VWF: variants seen among roughly 807,000 people sequenced by gnomAD.
VWF encodes the protein Factor VIII related antigen.
In VWF, 176 loss-of-function variants were observed where a neutral mutation model predicts 308.6. The ratio of observed to expected loss-of-function variants is 0.57; its 90% CI spans 0.50 to 0.65. The LOEUF is 0.65. Ranked by LOEUF, VWF falls within the 30% of genes least tolerant of loss-of-function variation. The probability of loss-of-function intolerance (pLI) is 0.00; values close to 1 mark genes in which losing one functional copy is unlikely to be tolerated. For missense variants in VWF, 3,146 were observed against 3,648.2 expected, an observed-to-expected ratio of 0.86 and a Z score of 3.55; for synonymous variants, 1,385 against 1,443.4, an observed-to-expected ratio of 0.96 and a Z score of 0.92.
intron 47 of VWF, among the ~76,000 whole-genome samples, chr12:5,965,981 A>G (rs946331048): frequency 2.0e-5 from 3 of 152,128 alleles, no homozygotes; most frequent in Non-Finnish European, 4.4e-5. Flanking sequence ...GTATTTGGAA[A>G]CCTACATCTG....
Position 6,075,451 on chromosome 12 carries a change from G to C in VWF, c.758C>G (p.Thr253Ser). ...CAGCCCCCCAGCACACTCACACAAAGTCTTCTCACACAGGGCCACAAAAGG... is the reference window on the plus strand; with the variant it reads ...CAGCCCCCCAGCACACTCACACAAACTCTTCTCACACAGGGCCACAAAAGG... ...PEPFVALCEK[T>S]LCECAGGLEC... is the part of the protein sequence containing the mutation. Residue 253 changes from threonine (T) to serine (S), a missense_variant, in exon 7 of 52, where the codon ACT becomes AGT. Thr to Ser is a moderately conservative substitution (Grantham distance 58). Coordinates refer to ENST00000261405, the MANE Select transcript of VWF (RefSeq NM_000552.5). The surrounding 1 kb of genome is among the most constrained non-coding windows in gnomAD (Gnocchi z 4.7). 6.2e-7 allele frequency: 1 copy of C among 1,614,210 alleles called. No homozygotes were observed. The highest frequency in any genetic ancestry group is 1.6e-4 in the Middle Eastern group (1 of 6,062).
intron 15 of VWF, among the ~76,000 whole-genome samples, chr12:6,053,945 G>A (rs1944547045): frequency 6.6e-6 from 1 of 152,224 alleles, no homozygotes; most frequent in South Asian, 2.1e-4. Flanking sequence ...TATGGGCAGG[G>A]TAGAGGACAG....
In VWF at chr12:5,960,051, T is replaced by C. The variant is rs1375052853; in HGVS notation, c.7888-6457A>G. 2.0e-5 allele frequency among the ~76,000 whole-genome samples: 3 copies of C among 147,830 alleles called. No homozygotes were observed. The Admixed American group carries it at 2.0e-4, about 10-fold the overall frequency. ...AAAAGTTGGATCTTTGAAAGATTAA[T>C]AATATAATAATATATAATATAATAA... On this transcript the variant is annotated intron_variant, in intron 47 of 51. Coordinates refer to ENST00000261405, the MANE Select transcript of VWF (RefSeq NM_000552.5).
rs745521318 is a variant in VWF at position 6,057,032 on chromosome 12, G to C, written c.1770C>G (p.Pro590=). ...CGGCACGATGGCAGGCCTCGAATGT[G>C]GGGGACGTCAGGACCGCGCACGCCT... The part of the protein sequence containing the change: ...SEEACAVLTS[P]TFEACHRAVS... Residue 590 remains proline (P), a synonymous_variant, in exon 15 of 52, where the codon CCC becomes CCG. Coordinates refer to ENST00000261405, the MANE Select transcript of VWF (RefSeq NM_000552.5). 9.8e-5 allele frequency: 152 copies of C among 1,548,986 alleles called. No homozygotes were observed. Among genetic ancestry groups the C allele is most frequent in the Admixed American group, 2.1e-4 (11 of 52,218 alleles).
rs1219346666 is a variant in VWF, at chr12:5,996,053, G to A, written c.6012C>T (p.Ser2004=). The stretch of plus-strand genomic sequence containing the variant: ...AGAGGGCACTGTGCTTCACCTCGAT[G>A]GATTTCATGCAGCCCTGCCTTGCTC... ...SPGARQGCMK[S]IEVKHSALSV... is the part of the protein sequence containing the mutation. The change falls in exon 35 of 52, where the codon TCC becomes TCT. Residue 2004 remains serine (S), a synonymous_variant. Transcript: ENST00000261405. The A allele has an allele frequency of 1.9e-6, 3 of 1,613,732 alleles. No homozygotes were observed. Among genetic ancestry groups the A allele is most frequent in the African/African-American group, 2.7e-5 (2 of 74,910 alleles).
At chr12:5,979,690 C>T (rs1159716421) in intron 42 of VWF, among the ~76,000 whole-genome samples, 1 of 150,674 alleles carries the variant, frequency 6.6e-6, no homozygotes, top group Admixed American at 6.6e-5. Flanking sequence ...TACGAGGCTA[C>T]AATCAGCCAA....
chr12:6,047,955 C>T (rs934864373), intron 16 of VWF, among the ~76,000 whole-genome samples: 1 of 152,294 alleles, frequency 6.6e-6, no homozygotes, highest in African/African-American at 2.4e-5. Flanking sequence ...GGCAGAAGGG[C>T]GGGGATAGCA....
chr12:6,094,218 T>C (rs1945079881), intron 6 of VWF, among the ~76,000 whole-genome samples: 1 of 152,206 alleles, frequency 6.6e-6, no homozygotes, highest in South Asian at 2.1e-4. Context: ...AATAAATGCC[T>C]ACTGTTTTAA....
At chr12:6,082,539 C>T (rs1944924955) in intron 6 of VWF, among the ~76,000 whole-genome samples, 1 of 152,236 alleles carries the variant, frequency 6.6e-6, no homozygotes, top group African/African-American at 2.4e-5. Flanking sequence ...TTTCTCCCTA[C>T]ATAATGAACT....
At position 6,110,944 on chromosome 12, in the gene VWF, A is replaced by T. The variant is rs1233127757; in HGVS notation, c.245T>A (p.Val82Glu). The change falls in exon 4 of 52, where the codon GTG (valine) becomes GAG (glutamate). Residue 82 changes from valine to glutamate, a missense_variant. This residue lies in a region of VWF where 1,304 missense variants were observed against 1,353.0 expected (regional missense o/e 0.96). Coordinates refer to ENST00000261405, the MANE Select transcript of VWF (RefSeq NM_000552.5). ...IIGDFQNGKRVSLSVYLGEFF... is the reference protein window; with the variant it reads ...IIGDFQNGKRESLSVYLGEFF... ...TTCCCCAAGATACACGGAGAGGCTC[A>T]CTCTCTTGCCATTCTGGAAGTCCCC... The T allele has an allele frequency of 6.2e-7, 1 of 1,613,950 alleles. No individual in the cohort carries two copies.
chr12:6,093,152 G>A (rs1945069076), intron 6 of VWF, among the ~76,000 whole-genome samples: 1 of 152,102 alleles, frequency 6.6e-6, no homozygotes, highest in African/African-American at 2.4e-5. Flanking sequence ...TCTGGATAAG[G>A]GCAGGAAGGT....
intron 20 of VWF, among the ~76,000 whole-genome samples, chr12:6,034,313 G>A (rs1289425477): frequency 6.6e-6 from 1 of 152,184 alleles, no homozygotes; most frequent in Non-Finnish European, 1.5e-5. Context: ...TGACTTCCCA[G>A]CCCAACCCAC....
In VWF at chr12:6,023,804, A is replaced by C. The variant is rs1461454621; in HGVS notation, c.3223-17T>G. Reference sequence around the variant, plus strand: ...GGGGTCCACCTGCAAAGGCAGCCTCAGGTGGCCCAGGCCTATGGCCAGGTG... The same window carrying C: ...GGGGTCCACCTGCAAAGGCAGCCTCCGGTGGCCCAGGCCTATGGCCAGGTG... On this transcript the variant is annotated splice_polypyrimidine_tract_variant and intron_variant, in intron 24 of 51. Coordinates refer to ENST00000261405, the MANE Select transcript of VWF (RefSeq NM_000552.5). 3 of 1,610,498 alleles carry C rather than the reference A, an allele frequency of 1.9e-6. No individual in the cohort carries two copies. The highest frequency in any genetic ancestry group is 2.2e-5 in the South Asian group (2 of 90,380).
At chr12:6,036,357 GTCC>G (rs745642318) in intron 19 of VWF, 28 bp downstream of exon 19, 72 of 1,606,560 alleles carry the variant, frequency 4.5e-5, no homozygotes, top group Non-Finnish European at 5.9e-5. Flanking sequence ...CAGGGCCTGG[GTCC>G]CCGGCGCAGC....
chr12:6,100,923 AAG>A (rs1254929683), intron 5 of VWF, among the ~76,000 whole-genome samples: 1 of 152,202 alleles, frequency 6.6e-6, no homozygotes, highest in Non-Finnish European at 1.5e-5. Flanking sequence ...CAGAAATAGC[AAG>A]AGTAGAGCTT....
intron 6 of VWF, among the ~76,000 whole-genome samples, chr12:6,081,710 G>A (rs1944913222): frequency 6.6e-6 from 1 of 152,124 alleles, no homozygotes. Context: ...AGTGCACGAG[G>A]TCAAAACTGT....
At chr12:6,095,138 T>C in intron 6 of VWF, 1 of 371,684 alleles carries the variant, frequency 2.7e-6, no homozygotes, top group Non-Finnish European at 5.2e-6. Flanking sequence ...CACTGAATGC[T>C]GGTACCTTGA....
At chr12:6,104,318 C>A (rs1347148352) in intron 5 of VWF, among the ~76,000 whole-genome samples, 1 of 151,834 alleles carries the variant, frequency 6.6e-6, no homozygotes, top group Non-Finnish European at 1.5e-5. Context: ...CTCTTACACA[C>A]TGTTGGTGGG....
chr12:5,979,379 T>C (rs1433993995), intron 42 of VWF, among the ~76,000 whole-genome samples: 1 of 152,230 alleles, frequency 6.6e-6, no homozygotes, highest in Non-Finnish European at 1.5e-5. Context: ...AGTAAAACTA[T>C]AAATTGTTGA....
Sources: gnomAD v4.1 joint callset for allele counts (sites outside exome capture counted in the v4.1 genomes callset) on GRCh38, gnomAD v4.1.1 for gene constraint, gnomAD v4.1.1 regional missense constraint, Gnocchi (gnomAD v3.1) non-coding constraint, MANE v1.5 for transcripts, NCBI Gene and HGNC (gene_info 2026-07-23, HGNC 2026-07-21) for gene names.